Variants in RNASEL observed in about 807,000 individuals in gnomAD.
RNASEL encodes the protein 2-5A-dependent ribonuclease.
Under a neutral mutation model 50.9 loss-of-function variants are expected in RNASEL, and 36 were observed. The observed-to-expected ratio is 0.71, with a 90% CI of 0.54 to 0.93. The LOEUF is 0.93. Among genes scored for constraint, RNASEL ranks in the 40% least tolerant of loss-of-function variants. RNASEL has a pLI of 0.00. For missense variants in RNASEL, 860 were observed against 894.5 expected, an observed-to-expected ratio of 0.96 and a Z score of 0.49; for synonymous variants, 335 against 335.6, an observed-to-expected ratio of 1.00 and a Z score of 0.02.
chr1:182,579,377 C>T (rs374361726), intron 5 of RNASEL: 64 of 990,310 alleles, frequency 6.5e-5, no homozygotes, highest in Admixed American at 1.1e-4. Context: ...GTTTGGGCTA[C>T]GAGATCAAGA....
chr1:182,585,360 G>A lies in RNASEL; in HGVS notation c.1447C>T (p.His483Tyr), dbSNP rs201034407. ...QELHLSCGYT[H>Y]QDLQPQNILI... is the part of the protein sequence containing the mutation. ...ATGTTTTGTGGTTGCAGATCCTGGT[G>A]GGTGTATCCACAGGACAAGTGTAGT... The change falls in exon 2 of 7, where the codon CAC becomes TAC. Residue 483 changes from histidine to tyrosine, a missense_variant. Transcript: ENST00000367559. 1.2e-6 allele frequency: 2 copies of A among 1,614,076 alleles called. No homozygotes were observed. The highest frequency in any genetic ancestry group is 2.2e-5 in the East Asian group (1 of 44,878).
chr1:182,586,396 C>G lies in RNASEL; in HGVS notation c.411G>C (p.Lys137Asn), dbSNP rs542521353. The G allele has an allele frequency of 4.3e-6, 7 of 1,614,182 alleles. No homozygotes were observed. The East Asian group carries it at 1.3e-4, about 31-fold the overall frequency. Reference sequence around the variant, plus strand: ...TATAAAGGAATTTTAGGGCTTTGACCTTACCATACACAGCGGCTTCCATGA... The same window carrying G: ...TATAAAGGAATTTTAGGGCTTTGACGTTACCATACACAGCGGCTTCCATGA... ...TAFMEAAVYGKVKALKFLYKR... is the reference protein window; with the variant it reads ...TAFMEAAVYGNVKALKFLYKR... Residue 137 changes from lysine (K) to asparagine (N), a missense_variant, in exon 2 of 7, where the codon AAG becomes AAC. Lys to Asn is a moderately conservative substitution (Grantham distance 94). Transcript: ENST00000367559.
In RNASEL at chr1:182,586,089, T is replaced by C; in HGVS notation, c.718A>G (p.Lys240Glu). The stretch of plus-strand genomic sequence containing the variant: ...TCCACTGCCAGGATCAGGGGAGTCT[T>C]CCCTCTTTCTCCCCTCACATTGACA... ...ADVNVRGERG[K>E]TPLILAVEKK... The change falls in exon 2 of 7, where the codon AAG (lysine) becomes GAG (glutamate). Residue 240 changes from lysine (K) to glutamate (E), a missense_variant. Physicochemically the swap from Lys to Glu is moderately conservative, Grantham distance 56. Transcript: ENST00000367559. 1 of 1,614,096 alleles carries C rather than the reference T, an allele frequency of 6.2e-7. No homozygotes were observed. Among genetic ancestry groups the C allele is most frequent in the South Asian group, 1.1e-5 (1 of 91,080 alleles).
At chr1:182,581,390 A>G in intron 4 of RNASEL, 33 bp from the exon 5 acceptor site, 1 of 1,608,974 alleles carries the variant, frequency 6.2e-7, no homozygotes, top group South Asian at 1.1e-5. Context: ...AATGATCATG[A>G]TCATCCCATC....
rs756164570 is a variant in RNASEL, at chr1:182,586,701, C to T, written c.106G>A (p.Glu36Lys). ...NHLLIKAVQN[E>K]DVDLVQQLLE... ...AATTGCTGGACCAGGTCAACATCTT[C>T]GTTTTGAACAGCTTTAATCAGCAAG... The change falls in exon 2 of 7, where the codon GAA becomes AAA. Residue 36 changes from glutamate to lysine, a missense_variant. By Grantham distance (56) the Glu-to-Lys change is moderately conservative. Transcript: ENST00000367559. The T allele has an allele frequency of 3.1e-6, 5 of 1,614,240 alleles. No homozygotes were observed. Among genetic ancestry groups the T allele is most frequent in the Non-Finnish European group, 4.2e-6 (5 of 1,180,042 alleles).
chr1:182,586,017 T>C lies in RNASEL; in HGVS notation c.790A>G (p.Ile264Val), dbSNP rs751408144. Residue 264 changes from isoleucine (I) to valine (V), a missense_variant, in exon 2 of 7, where the codon ATA becomes GTA. Coordinates refer to ENST00000367559, the MANE Select transcript of RNASEL (RefSeq NM_021133.4). ...TCACTGTCTGTGTCATTAATCTCTA[T>C]GTGCTCTTGCTCCAGAAGCCTCTGC... Reference protein sequence around the residue: ...LVQRLLEQEHIEINDTDSDGK... With the variant: ...LVQRLLEQEHVEINDTDSDGK... 2 of 1,614,094 alleles carry C rather than the reference T, an allele frequency of 1.2e-6. No homozygotes were observed. Among genetic ancestry groups the C allele is most frequent in the Non-Finnish European group, 1.7e-6 (2 of 1,180,020 alleles).
Position 182,583,158 on chromosome 1 carries a change from G to C in RNASEL, c.1567-900C>G, listed in dbSNP as rs544020153. ...AAATAACTCCTCAATGAATATTGGAGATATTTGAAATTCTCTCCTGGAGAG... is the reference window on the plus strand; with the variant it reads ...AAATAACTCCTCAATGAATATTGGACATATTTGAAATTCTCTCCTGGAGAG... On this transcript the variant is annotated intron_variant, in intron 3 of 6. Transcript: ENST00000367559. 2.0e-5 allele frequency among the ~76,000 whole-genome samples: 3 copies of C among 152,268 alleles called. No individual in the cohort carries two copies. In the East Asian group the frequency reaches 5.8e-4, roughly 29 times the overall value.
intron 2 of RNASEL, 25 bp downstream of exon 2, chr1:182,585,302 A>G: frequency 6.2e-7 from 1 of 1,609,608 alleles, no homozygotes; most frequent in Non-Finnish European, 8.5e-7. Context: ...AATTTCTAAG[A>G]GAGAATTGGG....
At chr1:182,581,853 CT>C (rs1302094112) in intron 4 of RNASEL, among the ~76,000 whole-genome samples, 199 bp downstream of exon 4, 2 of 152,096 alleles carry the variant, frequency 1.3e-5, no homozygotes, top group African/African-American at 4.8e-5. Context: ...GCAAGCATCT[CT>C]TTTTTTCCCC....
chr1:182,579,688 G>T (rs1661454298), intron 5 of RNASEL: 3 of 1,153,370 alleles, frequency 2.6e-6, no homozygotes, highest in Non-Finnish European at 2.2e-6. Flanking sequence ...GTTAAAACCT[G>T]AAGACTATCA....
At chr1:182,576,157 T>C in intron 6 of RNASEL, 99 bp downstream of exon 6, 1 of 1,263,692 alleles carries the variant, frequency 7.9e-7, no homozygotes. Context: ...TTCATCAAAA[T>C]AAATTTTCTT....
rs2102369727 is a variant in RNASEL, at chr1:182,585,340, T to C, written c.1467A>G (p.Gln489=). The change falls in exon 2 of 7, where the codon CAA becomes CAG. Residue 489 remains glutamine, a synonymous_variant. Coordinates refer to ENST00000367559, the MANE Select transcript of RNASEL (RefSeq NM_021133.4). Reference sequence around the variant, plus strand: ...TTGGGGACTCACCTATTAAGATGTTTTGTGGTTGCAGATCCTGGTGGGTGT... The same window carrying C: ...TTGGGGACTCACCTATTAAGATGTTCTGTGGTTGCAGATCCTGGTGGGTGT... ...CGYTHQDLQP[Q]NILIDSKKAA... is the part of the protein sequence containing the mutation. 3 of 1,614,074 alleles carry C rather than the reference T, an allele frequency of 1.9e-6. No homozygotes were observed. Among genetic ancestry groups the C allele is most frequent in the Admixed American group, 1.7e-5 (1 of 60,002 alleles).
intron 4 of RNASEL, among the ~76,000 whole-genome samples, chr1:182,581,635 C>G (rs1347014389): frequency 1.3e-5 from 2 of 151,808 alleles, no homozygotes; most frequent in Non-Finnish European, 2.9e-5. Context: ...GCACCTGCCA[C>G]CACACTCGGC....
chr1:182,582,320 G>T (rs1320447129), intron 3 of RNASEL, 62 bp from the exon 4 acceptor site: 2 of 1,581,698 alleles, frequency 1.3e-6, no homozygotes, highest in East Asian at 4.5e-5. Context: ...ACCCTGGAAG[G>T]AGTGGTGCAC....
intron 5 of RNASEL, chr1:182,579,022 A>G (rs1661442065): frequency 6.5e-6 from 1 of 154,782 alleles, no homozygotes; most frequent in Admixed American, 6.5e-5. Context: ...TGGGAGCTCA[A>G]TAATGTGTAC....
At chr1:182,579,522 T>G (rs1192840311) in intron 5 of RNASEL, 1 of 1,103,658 alleles carries the variant, frequency 9.1e-7, no homozygotes, top group Admixed American at 4.9e-5. Context: ...CACGTATGTG[T>G]GGCAGGATGG....
At chr1:182,579,187 A>G in intron 5 of RNASEL, 1 of 942,860 alleles carries the variant, frequency 1.1e-6, no homozygotes, top group Non-Finnish European at 1.3e-6. Context: ...CAATATATCC[A>G]TGTAACAAAA....
intron 2 of RNASEL, among the ~76,000 whole-genome samples, chr1:182,584,604 T>C (rs1661557405): frequency 6.6e-6 from 1 of 152,172 alleles, no homozygotes; most frequent in Non-Finnish European, 1.5e-5. Flanking sequence ...ACCAAATGAC[T>C]TACTATTTCA....
chr1:182,574,929 C>T lies in RNASEL; in HGVS notation c.*463G>A. On this transcript the variant is annotated 3_prime_UTR_variant, in exon 7 of 7. Coordinates refer to ENST00000367559, the MANE Select transcript of RNASEL (RefSeq NM_021133.4). Reference sequence around the variant, plus strand: ...GGAAGGATAGTTAAGTTTTAAGGTGCCCAAATGAGAGGTACCAATAACACC... The same window carrying T: ...GGAAGGATAGTTAAGTTTTAAGGTGTCCAAATGAGAGGTACCAATAACACC... 4.0e-6 allele frequency: 1 copy of T among 252,540 alleles called. No homozygotes were observed. The highest frequency in any genetic ancestry group is 7.7e-6 in the Non-Finnish European group (1 of 129,934). The allele number at this position is 252,540 out of a possible 1,614,324, so 15.6% of individuals were successfully genotyped here.
Sources: gnomAD v4.1 joint callset for allele counts (sites outside exome capture counted in the v4.1 genomes callset) on GRCh38, gnomAD v4.1.1 for gene constraint, MANE v1.5 for transcripts, NCBI Gene and HGNC (gene_info 2026-07-23, HGNC 2026-07-21) for gene names.